The following THEMIS variants were observed in gnomAD, a reference collection of about 807,000 sequenced individuals.
The protein encoded by THEMIS is protein THEMIS.
THEMIS carries 37 observed loss-of-function variants against 52.6 expected under a neutral mutation model. The observed-to-expected ratio is 0.70, with a 90% confidence interval of 0.54 to 0.93. The LOEUF is 0.93. THEMIS is among the 40% of genes least tolerant of loss of function. The probability of loss-of-function intolerance (pLI) is 0.00; values close to 1 mark genes in which losing one functional copy is unlikely to be tolerated. For missense variants in THEMIS, 808 were observed against 763.1 expected (o/e 1.06, Z -0.69); for synonymous variants, 292 against 272.7 (o/e 1.07, Z -0.70).
intron 1 of THEMIS, among the ~76,000 whole-genome samples, chr6:127,881,557 A>G (rs192393097): frequency 2.6e-5 from 4 of 152,074 alleles, no homozygotes; most frequent in South Asian, 4.1e-4. Flanking sequence ...TGAACACTCT[A>G]TTATAAATGT....
intron 1 of THEMIS, among the ~76,000 whole-genome samples, chr6:127,864,148 T>G (rs1779898473): frequency 6.6e-6 from 1 of 152,114 alleles, no homozygotes; most frequent in Non-Finnish European, 1.5e-5. Flanking sequence ...TCTTTTCATA[T>G]GAATATAAGA....
At chr6:127,813,958 A>G in intron 3 of THEMIS, 27 bp from the exon 4 acceptor site, 2 of 1,503,614 alleles carry the variant, frequency 1.3e-6, no homozygotes, top group South Asian at 2.8e-5. Context: ...AATCACTATG[A>G]TATTTTTGTA....
chr6:127,731,210 G>T (rs1381851454), intron 4 of THEMIS, among the ~76,000 whole-genome samples: 1 of 152,042 alleles, frequency 6.6e-6, no homozygotes. Flanking sequence ...AAAAATTCTG[G>T]ACAATGCAGC....
intron 2 of THEMIS, among the ~76,000 whole-genome samples, chr6:127,854,031 C>T (rs761542269): frequency 1.4e-4 from 22 of 151,730 alleles, no homozygotes; most frequent in African/African-American, 2.9e-4. Context: ...AGATTTTTCT[C>T]TTCCACTGGT....
chr6:127,812,975 G>A lies in THEMIS; in HGVS notation c.1666C>T (p.Arg556Cys), dbSNP rs755822547. The part of the protein sequence containing the change: ...YESSASHPPP[R>C]PPKHPSVEET... ...TCTACTGAGGGGTGTTTCGGAGGGC[G>A]AGGTGGGGGATGTGAGGCTGAGCTT... is the stretch of plus-strand genomic sequence containing the variant. The change falls in exon 4 of 6, where the codon CGC becomes TGC. Residue 556 changes from arginine to cysteine, a missense_variant. Transcript: ENST00000368248. 4.3e-6 allele frequency: 7 copies of A among 1,614,062 alleles called. No homozygotes were observed. In the Admixed American group the frequency reaches 1.2e-4, roughly 27 times the overall value.
chr6:127,780,318 T>C (rs1487833486), intron 4 of THEMIS, among the ~76,000 whole-genome samples: 1 of 152,240 alleles, frequency 6.6e-6, no homozygotes, highest in Non-Finnish European at 1.5e-5. Context: ...GTCTCCTGAA[T>C]ACAGCACACC....
chr6:127,733,555 G>A (rs1338509667), intron 4 of THEMIS, among the ~76,000 whole-genome samples: 1 of 152,146 alleles, frequency 6.6e-6, no homozygotes, highest in African/African-American at 2.4e-5. Flanking sequence ...ACAAGATCCA[G>A]TAGCCACAAC....
intron 4 of THEMIS, among the ~76,000 whole-genome samples, chr6:127,754,522 T>C (rs1304090314): frequency 6.6e-6 from 1 of 152,150 alleles, no homozygotes; most frequent in African/African-American, 2.4e-5. Context: ...CAGAAACAAC[T>C]CAGCAAAATG....
chr6:127,785,355 AT>A, intron 4 of THEMIS, among the ~76,000 whole-genome samples: 1 of 151,946 alleles, frequency 6.6e-6, no homozygotes, highest in Admixed American at 6.6e-5. Context: ...CTGAATTGAA[AT>A]TTTGATCCTT....
chr6:127,704,175 C>T (rs1017254950), downstream of THEMIS, among the ~76,000 whole-genome samples: 1 of 152,204 alleles, frequency 6.6e-6, no homozygotes, highest in African/African-American at 2.4e-5. Flanking sequence ...ATGTCCTTTA[C>T]ACCTCTTTCC....
At chr6:127,847,919 CATT>C (rs1779276579) in intron 2 of THEMIS, among the ~76,000 whole-genome samples, 1 of 120,432 alleles carries the variant, frequency 8.3e-6, no homozygotes, top group Non-Finnish European at 1.8e-5. Context: ...TTATTATTAT[CATT>C]ATTATTTTAT....
intron 2 of THEMIS, among the ~76,000 whole-genome samples, chr6:127,845,558 C>A (rs1322393192): frequency 6.6e-6 from 1 of 151,780 alleles, no homozygotes; most frequent in Non-Finnish European, 1.5e-5. Context: ...TAGGAGAAAG[C>A]AGTAAGAGGT....
At chr6:127,801,863 C>T (rs1188334649) in intron 4 of THEMIS, among the ~76,000 whole-genome samples, 1 of 152,058 alleles carries the variant, frequency 6.6e-6, no homozygotes, top group Non-Finnish European at 1.5e-5. Flanking sequence ...TGAGGAGATG[C>T]ACTACACGGG....
chr6:127,867,252 G>C (rs923092322), intron 1 of THEMIS, among the ~76,000 whole-genome samples: 5 of 151,940 alleles, frequency 3.3e-5, no homozygotes, highest in Non-Finnish European at 4.4e-5. Flanking sequence ...TAGAAGAGTT[G>C]GTTATGAACT....
At chr6:127,785,291 A>ACCTG (rs1215491012) in intron 4 of THEMIS, among the ~76,000 whole-genome samples, 1 of 146,194 alleles carries the variant, frequency 6.8e-6, no homozygotes, top group Non-Finnish European at 1.5e-5. Context: ...TCATCTATCT[A>ACCTG]TCTGTCTTTC....
chr6:127,904,476 A>G (rs1293651942), upstream of THEMIS, among the ~76,000 whole-genome samples: 1 of 152,132 alleles, frequency 6.6e-6, no homozygotes, highest in East Asian at 1.9e-4. Context: ...TGAAGCTTAG[A>G]CTAAAATTAG....
intron 4 of THEMIS, among the ~76,000 whole-genome samples, chr6:127,727,578 A>C (rs1774594604): frequency 6.6e-6 from 1 of 152,156 alleles, no homozygotes; most frequent in Admixed American, 6.6e-5. Context: ...CTGAGTATTA[A>C]AATACAGGCT....
chr6:127,791,133 G>A (rs771795781), intron 4 of THEMIS, among the ~76,000 whole-genome samples: 4 of 152,184 alleles, frequency 2.6e-5, no homozygotes, highest in Non-Finnish European at 5.9e-5. Flanking sequence ...CCACCATTCG[G>A]CAGGTCCCAA....
the THEMIS span, among the ~76,000 whole-genome samples, chr6:127,698,699 A>C: frequency 6.6e-6 from 1 of 152,036 alleles, no homozygotes; most frequent in Non-Finnish European, 1.5e-5. Context: ...TATATACTAC[A>C]TATTGACTGA....
Sources: allele counts gnomAD v4.1 joint callset (sites outside exome capture counted in the v4.1 genomes callset), GRCh38; gene constraint gnomAD v4.1.1; transcripts MANE v1.5; gene names NCBI Gene and HGNC (gene_info 2026-07-23, HGNC 2026-07-21).